Variants in ARHGAP32 observed in about 807,000 individuals in gnomAD.
ARHGAP32 encodes the protein rho GTPase-activating protein 32.
A neutral mutation model predicts 186.5 loss-of-function variants in ARHGAP32; 51 were observed. The observed-to-expected ratio is 0.27, with a 90% CI of 0.22 to 0.35. The LOEUF (loss-of-function observed/expected upper bound fraction) is 0.35, where lower values mean the gene tolerates loss of function less well. ARHGAP32 is among the 10% of genes least tolerant of loss of function. The pLI, the probability that ARHGAP32 is intolerant of heterozygous loss-of-function variation, is 1.00. For missense variants in ARHGAP32, 2,186 were observed against 2,623.5 expected (o/e 0.83, Z 3.64); for synonymous variants, 950 against 964.3 (o/e 0.99, Z 0.27).
rs181897097 is a variant in ARHGAP32, at chr11:129,016,428, C to A, written c.1046-17960G>T. ...GCCCTATTTCTTCTAAAAACTTTTG[C>A]TTTTTCATGTTTTTTAGGGAGAGAT... On this transcript the variant is annotated intron_variant, in intron 11 of 22. Transcript: ENST00000682385. 7.4e-4 allele frequency among the ~76,000 whole-genome samples: 113 copies of A among 152,190 alleles called. 1 individual carries two copies. The highest frequency in any genetic ancestry group is 2.6e-3 in the African/African-American group (107 of 41,532).
chr11:129,118,960 C>G (rs1278243707), intron 5 of ARHGAP32, among the ~76,000 whole-genome samples: 3 of 152,044 alleles, frequency 2.0e-5, no homozygotes, highest in Non-Finnish European at 1.5e-5. Flanking sequence ...CAAGCTACTT[C>G]TATTACATGA....
chr11:129,071,405 CA>C (rs1260694377), intron 6 of ARHGAP32, among the ~76,000 whole-genome samples: 7 of 151,742 alleles, frequency 4.6e-5, no homozygotes, highest in African/African-American at 1.2e-4. Context: ...AAGCACTGAA[CA>C]GACATTTCTC....
intron 1 of ARHGAP32, among the ~76,000 whole-genome samples, chr11:129,237,283 T>G (rs1944949434): frequency 6.6e-6 from 1 of 152,240 alleles, no homozygotes; most frequent in Admixed American, 6.5e-5. Context: ...ATGTGAATAG[T>G]AAATCTCACA....
At chr11:129,059,984 G>A (rs934379170) in intron 10 of ARHGAP32, among the ~76,000 whole-genome samples, 2 of 152,000 alleles carry the variant, frequency 1.3e-5, no homozygotes, top group Admixed American at 6.6e-5. Context: ...TTTCATTATC[G>A]GTTACAAATC....
intron 1 of ARHGAP32, among the ~76,000 whole-genome samples, chr11:129,222,388 T>G (rs1488564826): frequency 1.3e-5 from 2 of 152,104 alleles, no homozygotes; most frequent in African/African-American, 4.8e-5. Context: ...CGCTACTAAG[T>G]AAAAAAGCCG....
intron 1 of ARHGAP32, among the ~76,000 whole-genome samples, chr11:129,209,646 T>C (rs1944555813): frequency 7.0e-6 from 1 of 142,542 alleles, no homozygotes; most frequent in Non-Finnish European, 1.5e-5. Context: ...ACACTGGTTC[T>C]ATTCCTGGTT....
rs918142262 is a variant in ARHGAP32 at position 129,119,160 on chromosome 11, T to G, written c.444+4286A>C. On this transcript the variant is annotated intron_variant, in intron 5 of 22. Transcript: ENST00000682385. ...TACAATTTCTTAGCTTGAAGGAACA[T>G]TAGCTGTCACCTAGTATTCTAGGGT... Among the ~76,000 whole-genome samples, 7 of 152,004 alleles carry G rather than the reference T, an allele frequency of 4.6e-5. No individual in the cohort carries two copies. In the East Asian group the frequency reaches 1.2e-3, roughly 25 times the overall value.
intron 1 of ARHGAP32, among the ~76,000 whole-genome samples, chr11:129,213,683 T>C (rs532392818): frequency 6.6e-6 from 1 of 152,318 alleles, no homozygotes; most frequent in East Asian, 1.9e-4. Context: ...TGAATTTTGA[T>C]GTAGATAACA....
chr11:129,213,980 G>A (rs1279321506), intron 1 of ARHGAP32, among the ~76,000 whole-genome samples: 4 of 151,794 alleles, frequency 2.6e-5, no homozygotes, highest in African/African-American at 2.4e-5. Flanking sequence ...TTTTAAAAGA[G>A]AATTGCAGAC....
chr11:129,025,018 A>G (rs1440802963), intron 11 of ARHGAP32, among the ~76,000 whole-genome samples: 1 of 152,256 alleles, frequency 6.6e-6, no homozygotes, highest in Non-Finnish European at 1.5e-5. Flanking sequence ...CATATTTTCC[A>G]TTCCAATGAC....
chr11:129,196,553 T>A (rs1192599993), upstream of ARHGAP32, among the ~76,000 whole-genome samples: 1 of 152,182 alleles, frequency 6.6e-6, no homozygotes, highest in East Asian at 1.9e-4. Flanking sequence ...CAGGGTGTCC[T>A]GGAAACGATT....
intron 12 of ARHGAP32, among the ~76,000 whole-genome samples, chr11:128,995,167 T>C (rs900058169): frequency 6.6e-6 from 1 of 152,192 alleles, no homozygotes; most frequent in Non-Finnish European, 1.5e-5. Flanking sequence ...CTACCATTTA[T>C]AGATAATATT....
intron 6 of ARHGAP32, among the ~76,000 whole-genome samples, chr11:129,070,519 A>AGACGGAGTCTCGCTCTGTCGCCC (rs1940835531): frequency 6.6e-6 from 1 of 151,046 alleles, no homozygotes; most frequent in African/African-American, 2.5e-5. Context: ...TGGGAGTTCT[A>AGACGGAGTCTCGCTCTGTCGCCC]AGATGACAGT....
In ARHGAP32 at chr11:129,123,927, G is replaced by C. The variant is rs1248292412; in HGVS notation, c.320C>G (p.Ser107Cys). 1 of 1,290,878 alleles carries C rather than the reference G, an allele frequency of 7.7e-7. No homozygotes were observed. The highest frequency in any genetic ancestry group is 1.0e-6 in the Non-Finnish European group (1 of 989,880). 80.0% of individuals were successfully genotyped at this position (1,290,878 alleles called of 1,614,324 possible). The change falls in exon 4 of 23, where the codon TCC becomes TGC. Residue 107 changes from serine to cysteine, a missense_variant and splice_region_variant. Physicochemically the swap from Ser to Cys is moderately radical, Grantham distance 112 (BLOSUM62 -1). Coordinates refer to ENST00000682385, the MANE Select transcript of ARHGAP32 (RefSeq NM_001378024.1). This position sits in a 1 kb window ranked among gnomAD's most constrained non-coding sequence, Gnocchi z 4.6. ...ACAGCCCATCAGTCCTGGAGTGGTG[G>C]ACCTGAACGCAGAATGAACATTTTT... The part of the protein sequence containing the change: ...ASMKVKHVKK[S>C]TTPGLMGCDN...
intron 5 of ARHGAP32, among the ~76,000 whole-genome samples, chr11:129,112,015 G>T (rs372176927): frequency 2.0e-5 from 3 of 152,048 alleles, no homozygotes; most frequent in Non-Finnish European, 4.4e-5. Context: ...TGCCTGCCTC[G>T]GCCTCCCACC....
At chr11:129,171,288 GT>G (rs1967828808) in intron 1 of ARHGAP32, among the ~76,000 whole-genome samples, 2 of 152,180 alleles carry the variant, frequency 1.3e-5, no homozygotes, top group Admixed American at 1.3e-4. Flanking sequence ...TTCTTCTAGG[GT>G]TTTTATGGTT....
At chr11:129,215,702 G>T (rs1194832721) in intron 1 of ARHGAP32, among the ~76,000 whole-genome samples, 1 of 151,958 alleles carries the variant, frequency 6.6e-6, no homozygotes, top group Non-Finnish European at 1.5e-5. Context: ...GATTACCTTG[G>T]GCTCACCCAG....
rs185810656 is a variant in ARHGAP32 at position 129,059,722 on chromosome 11, A to G, written c.963+2558T>C. ...ATCATGTTGGCCAGGCTTGTCTTGA[A>G]CTCCTGACCTCATGATCCACCCACC... is the stretch of plus-strand genomic sequence containing the variant. On this transcript the variant is annotated intron_variant, in intron 10 of 22. Coordinates refer to ENST00000682385, the MANE Select transcript of ARHGAP32 (RefSeq NM_001378024.1). 2.7e-3 allele frequency among the ~76,000 whole-genome samples: 406 copies of G among 150,900 alleles called. 1 individual carries two copies. The highest frequency in any genetic ancestry group is 0.013 in the Admixed American group (202 of 15,144).
intron 10 of ARHGAP32, among the ~76,000 whole-genome samples, chr11:129,043,057 T>G (rs77742972): frequency 0.057 from 8,684 of 152,260 alleles, 374 homozygotes; most frequent in Middle Eastern, 0.12. Context: ...TACAACTATT[T>G]CAAGAGTGAC....
Sources: allele counts gnomAD v4.1 joint callset (sites outside exome capture counted in the v4.1 genomes callset), GRCh38; gene constraint gnomAD v4.1.1; non-coding constraint Gnocchi (gnomAD v3.1); transcripts MANE v1.5; gene names NCBI Gene and HGNC (gene_info 2026-07-23, HGNC 2026-07-21).